The following MCF2L2 variants were observed in gnomAD, a reference collection of about 807,000 sequenced individuals.
MCF2L2 encodes MCF.2 cell line derived transforming sequence-like 2, also known as probable guanine nucleotide exchange factor MCF2L2.
Under a neutral mutation model 150.2 loss-of-function variants are expected in MCF2L2, and 102 were observed. That is an observed-to-expected ratio of 0.68 (90% CI 0.58 to 0.80). The LOEUF is 0.80. MCF2L2 is among the 30% of genes least tolerant of loss of function. MCF2L2 has a pLI of 0.00. For missense variants in MCF2L2, 1,256 were observed against 1,372.8 expected, an observed-to-expected ratio of 0.91 and a Z score of 1.34; for synonymous variants, 465 against 491.3, an observed-to-expected ratio of 0.95 and a Z score of 0.71.
rs766500275 is a variant in MCF2L2 at position 183,270,920 on chromosome 3, G to T, written c.1862+5952C>A. ...GCTATGTGGACACATACCCTTGTAG[G>T]GCTGCGTTTATCTAATAGTACTTGA... is the stretch of plus-strand genomic sequence containing the variant. On this transcript the variant is annotated intron_variant, in intron 15 of 29. Coordinates refer to ENST00000328913, the MANE Select transcript of MCF2L2 (RefSeq NM_015078.4). This position sits in a 1 kb window ranked among gnomAD's most constrained non-coding sequence, Gnocchi z 4.5. The T allele has an allele frequency of 3.8e-6, 6 of 1,579,096 alleles. No individual in the cohort carries two copies. In the South Asian group the frequency reaches 7.1e-5, roughly 19 times the overall value.
intron 15 of MCF2L2, among the ~76,000 whole-genome samples, chr3:183,258,990 G>GA (rs986845472): frequency 1.6e-4 from 25 of 152,064 alleles, no homozygotes; most frequent in African/African-American, 5.5e-4. Flanking sequence ...ATAATGACAA[G>GA]AAAAAAATGT....
intron 11 of MCF2L2, chr3:183,297,882 T>C (rs530349519): frequency 6.6e-6 from 1 of 152,254 alleles, no homozygotes; most frequent in Non-Finnish European, 1.5e-5. Flanking sequence ...ATGTAATCAA[T>C]GGCTTTTGGG....
intron 15 of MCF2L2, among the ~76,000 whole-genome samples, chr3:183,252,756 G>A (rs748124669): frequency 3.9e-5 from 6 of 152,018 alleles, no homozygotes; most frequent in Non-Finnish European, 8.8e-5. Context: ...AAAGTATTTG[G>A]GTTAATCTTT....
At chr3:183,291,668 T>C (rs942012748) in intron 13 of MCF2L2, among the ~76,000 whole-genome samples, 2 of 152,196 alleles carry the variant, frequency 1.3e-5, no homozygotes, top group Admixed American at 1.3e-4. Context: ...GACAAAAATG[T>C]TTGAAAATCC....
intron 1 of MCF2L2, among the ~76,000 whole-genome samples, chr3:183,397,610 C>T (rs766575355): frequency 2.6e-5 from 4 of 152,026 alleles, no homozygotes; most frequent in Non-Finnish European, 5.9e-5. Context: ...ATCTTTTCTG[C>T]CTGATGGATT....
intron 3 of MCF2L2, among the ~76,000 whole-genome samples, chr3:183,355,412 A>T (rs1711704286): frequency 6.6e-6 from 1 of 151,768 alleles, no homozygotes; most frequent in Non-Finnish European, 1.5e-5. Context: ...CAGGAATAGC[A>T]AAATAATTAC....
In MCF2L2 at chr3:183,309,817, T is replaced by C; in HGVS notation, c.1012A>G (p.Asn338Asp). 1 of 1,613,812 alleles carries C rather than the reference T, an allele frequency of 6.2e-7. No homozygotes were observed. Among genetic ancestry groups the C allele is most frequent in the South Asian group, 1.1e-5 (1 of 91,078 alleles). The change falls in exon 10 of 30, where the codon AAT (asparagine) becomes GAT (aspartate). Residue 338 changes from asparagine to aspartate, a missense_variant. By Grantham distance (23) the Asn-to-Asp change is conservative. Transcript: ENST00000328913. ...DFCKAKLALD[N>D]LLEEQAEFTG... Reference sequence around the variant, plus strand: ...AACTCTGCTTGCTCTTCCAGCAAATTATCCAGGGCAAGCTTAGCCTACAAG... The same window carrying C: ...AACTCTGCTTGCTCTTCCAGCAAATCATCCAGGGCAAGCTTAGCCTACAAG...
intron 27 of MCF2L2, among the ~76,000 whole-genome samples, chr3:183,190,838 G>A (rs1025402268): frequency 1.3e-5 from 2 of 152,208 alleles, no homozygotes; most frequent in Admixed American, 6.5e-5. Context: ...ACTCTCTACT[G>A]TAATACTGTA....
chr3:183,381,295 T>G (rs1045206898), intron 2 of MCF2L2, among the ~76,000 whole-genome samples: 1 of 152,092 alleles, frequency 6.6e-6, no homozygotes, highest in Admixed American at 6.6e-5. Flanking sequence ...GAAGAAACTA[T>G]AGAAGAGGAG....
At chr3:183,378,165 T>C (rs781467842) in intron 3 of MCF2L2, 1 of 152,118 alleles carries the variant, frequency 6.6e-6, no homozygotes, top group African/African-American at 2.4e-5. Flanking sequence ...CTCTAAATCA[T>C]AGAAGGCAGG....
At chr3:183,189,488 G>A (rs1721804322) in intron 27 of MCF2L2, among the ~76,000 whole-genome samples, 1 of 152,166 alleles carries the variant, frequency 6.6e-6, no homozygotes, top group South Asian at 2.1e-4. Flanking sequence ...AGTCTTAGGG[G>A]ACTGGGAACC....
intron 13 of MCF2L2, among the ~76,000 whole-genome samples, chr3:183,292,619 A>T (rs1452319446): frequency 2.0e-5 from 3 of 151,968 alleles, no homozygotes; most frequent in Non-Finnish European, 4.4e-5. Flanking sequence ...ATTTCTCTTA[A>T]TTTGATACAT....
At chr3:183,248,634 A>C (rs1358877621) in intron 15 of MCF2L2, among the ~76,000 whole-genome samples, 1 of 152,162 alleles carries the variant, frequency 6.6e-6, no homozygotes, top group Non-Finnish European at 1.5e-5. Flanking sequence ...CAGGAGTTCA[A>C]GACCAGCCTG....
intron 15 of MCF2L2, chr3:183,273,371 A>T: frequency 4.9e-6 from 1 of 204,000 alleles, no homozygotes; most frequent in South Asian, 1.5e-4. Context: ...TTTCCAATAA[A>T]CAACTGAAAA....
Position 183,270,228 on chromosome 3 carries a change from A to G in MCF2L2, c.1862+6644T>C, listed in dbSNP as rs751976718. 2 of 1,614,214 alleles carry G rather than the reference A, an allele frequency of 1.2e-6. No individual in the cohort carries two copies. Among genetic ancestry groups the G allele is most frequent in the East Asian group, 4.5e-5 (2 of 44,886 alleles). On this transcript the variant is annotated intron_variant, in intron 15 of 29. Transcript: ENST00000328913. This position sits in a 1 kb window ranked among gnomAD's most constrained non-coding sequence, Gnocchi z 4.5. ...TCCACTGGAGGGAGAAGAACTACAA[A>G]GAAAACTGGCTTGGGAAGATCAAAG...
At chr3:183,307,175 T>C (rs1009000292) in intron 10 of MCF2L2, among the ~76,000 whole-genome samples, 1 of 152,212 alleles carries the variant, frequency 6.6e-6, no homozygotes, top group East Asian at 1.9e-4. Flanking sequence ...AGAGCCAGCG[T>C]GTGGCTGTGC....
intron 25 of MCF2L2, among the ~76,000 whole-genome samples, chr3:183,200,274 C>T (rs1175361088): frequency 6.6e-6 from 1 of 152,228 alleles, no homozygotes; most frequent in Non-Finnish European, 1.5e-5. Context: ...TCTCCACATC[C>T]TCTCCAGCAC....
At chr3:183,349,270 G>A (rs112657937) in intron 3 of MCF2L2, among the ~76,000 whole-genome samples, 4 of 151,972 alleles carry the variant, frequency 2.6e-5, no homozygotes, top group African/African-American at 9.7e-5. Flanking sequence ...ACTTCTTAAG[G>A]TATAAGATTA....
intron 25 of MCF2L2, among the ~76,000 whole-genome samples, chr3:183,200,062 T>C (rs1033981620): frequency 3.3e-5 from 5 of 152,180 alleles, no homozygotes; most frequent in Non-Finnish European, 7.3e-5. Context: ...TCTTTGCTAT[T>C]GTGAATAGTG....
Sources: allele counts gnomAD v4.1 joint callset (sites outside exome capture counted in the v4.1 genomes callset), GRCh38; gene constraint gnomAD v4.1.1; non-coding constraint Gnocchi (gnomAD v3.1); transcripts MANE v1.5; gene names NCBI Gene and HGNC (gene_info 2026-07-23, HGNC 2026-07-21).